The following BAZ1B variants were observed in gnomAD, a reference collection of about 807,000 sequenced individuals.
The protein encoded by BAZ1B is tyrosine-protein kinase BAZ1B.
Under a neutral mutation model 153.8 loss-of-function variants are expected in BAZ1B, and 22 were observed. The ratio of observed to expected loss-of-function variants is 0.14; its 90% CI spans 0.10 to 0.20. The LOEUF (loss-of-function observed/expected upper bound fraction) is 0.20, where lower values mean the gene tolerates loss of function less well. BAZ1B is among the 10% of genes least tolerant of loss of function. The probability of loss-of-function intolerance (pLI) is 1.00; values close to 1 mark genes in which losing one functional copy is unlikely to be tolerated. For synonymous variants in BAZ1B, 676 were observed against 633.4 expected (o/e 1.07, Z -1.01); for missense variants, 1,325 against 1,799.3 (o/e 0.74, Z 4.77).
chr7:73,517,182 C>CA (rs201015912), intron 1 of BAZ1B, among the ~76,000 whole-genome samples: 6,028 of 147,528 alleles, frequency 0.041, 153 homozygotes, highest in Non-Finnish European at 0.062. Context: ...TAACCCAGCT[C>CA]AAAAACAAAA....
At chr7:73,454,937 C>G (rs1554569326) in intron 13 of BAZ1B, among the ~76,000 whole-genome samples, 1 of 152,060 alleles carries the variant, frequency 6.6e-6, no homozygotes, top group African/African-American at 2.4e-5. Context: ...CTCACTGCAA[C>G]CTCTACCTCC....
chr7:73,482,265 C>T (rs147926505), intron 6 of BAZ1B, among the ~76,000 whole-genome samples: 1,910 of 152,288 alleles, frequency 0.013, 43 homozygotes, highest in African/African-American at 0.044. Context: ...TTATTTAAGA[C>T]TCCAATCTCT....
At chr7:73,473,222 G>A (rs1349868309) in intron 7 of BAZ1B, among the ~76,000 whole-genome samples, 3 of 152,186 alleles carry the variant, frequency 2.0e-5, no homozygotes, top group African/African-American at 7.2e-5. Flanking sequence ...TACAGGCTGT[G>A]AGCCACCGAG....
chr7:73,469,476 G>C, intron 9 of BAZ1B, 41 bp downstream of exon 9: 1 of 1,608,908 alleles, frequency 6.2e-7, no homozygotes, highest in Non-Finnish European at 8.5e-7. Context: ...GAGCCCACTT[G>C]AGCAGGGTGA....
chr7:73,501,887 A>ATTTTT (rs200718272), intron 3 of BAZ1B, among the ~76,000 whole-genome samples: 2 of 133,120 alleles, frequency 1.5e-5, no homozygotes, highest in Admixed American at 7.6e-5. Context: ...CTTATCAAGA[A>ATTTTT]TTTTTTTTTT....
intron 7 of BAZ1B, among the ~76,000 whole-genome samples, chr7:73,475,403 A>T (rs1163129960): frequency 6.6e-6 from 1 of 152,248 alleles, no homozygotes; most frequent in African/African-American, 2.4e-5. Flanking sequence ...AAAGGGAATG[A>T]AGTACTAACA....
chr7:73,454,644 C>A (rs1348791882), intron 13 of BAZ1B, among the ~76,000 whole-genome samples: 3 of 152,188 alleles, frequency 2.0e-5, no homozygotes, highest in Non-Finnish European at 4.4e-5. Flanking sequence ...TCAATCTGAA[C>A]AGGCCTATGC....
chr7:73,469,474 T>C (rs1554571681), intron 9 of BAZ1B, 43 bp downstream of exon 9: 2 of 1,608,812 alleles, frequency 1.2e-6, no homozygotes, highest in Non-Finnish European at 1.7e-6. Flanking sequence ...TTGAGCCCAC[T>C]TGAGCAGGGT....
At chr7:73,514,439 A>AG (rs1790709479) in intron 1 of BAZ1B, among the ~76,000 whole-genome samples, 4 of 151,264 alleles carry the variant, frequency 2.6e-5, no homozygotes, top group Middle Eastern at 3.4e-3. Context: ...AGGCTGATGC[A>AG]GGAGAACTGC....
Position 73,521,857 on chromosome 7 carries a change from G to A in BAZ1B, c.77C>T (p.Pro26Leu), listed in dbSNP as rs1309513487. The A allele has an allele frequency of 6.0e-6, 9 of 1,510,276 alleles. No individual in the cohort carries two copies. The highest frequency in any genetic ancestry group is 8.0e-6 in the Non-Finnish European group (9 of 1,125,432). 93.6% of individuals were successfully genotyped at this position (1,510,276 alleles called of 1,614,324 possible). The stretch of plus-strand genomic sequence containing the variant: ...GGTGCGGAAGGCCTCCTGAGTGTGC[G>A]GGATGGTGAAGAGCGGCTCCTCTCC... ...LPGEEPLFTIPHTQEAFRTRE... is the reference protein window; with the variant it reads ...LPGEEPLFTILHTQEAFRTRE... Residue 26 changes from proline to leucine, a missense_variant, in exon 1 of 20, where the codon CCG becomes CTG. Physicochemically the swap from Pro to Leu is moderately conservative, Grantham distance 98 (BLOSUM62 -3). Coordinates refer to ENST00000339594, the MANE Select transcript of BAZ1B (RefSeq NM_032408.4).
At chr7:73,468,386 A>C (rs1266452554) in intron 9 of BAZ1B, among the ~76,000 whole-genome samples, 1 of 152,092 alleles carries the variant, frequency 6.6e-6, no homozygotes, top group Non-Finnish European at 1.5e-5. Flanking sequence ...AGTACAAAAA[A>C]CTATCTTCCT....
In BAZ1B at chr7:73,475,910, C is replaced by A. The variant is rs1423537752; in HGVS notation, c.2593+958G>T. 3.9e-5 allele frequency among the ~76,000 whole-genome samples: 5 copies of A among 128,228 alleles called. No individual in the cohort carries two copies. The Admixed American group carries it at 4.7e-4, about 12-fold the overall frequency. The allele number at this position is 128,228 out of a possible 152,430, so 84.1% of individuals were successfully genotyped here. ...TTGCACTCTAGCCTGGGTGACAGAGCGAGACTCCATCTCAAAAAAAAAAAA... is the reference window on the plus strand; with the variant it reads ...TTGCACTCTAGCCTGGGTGACAGAGAGAGACTCCATCTCAAAAAAAAAAAA... On this transcript the variant is annotated intron_variant, in intron 7 of 19. Transcript: ENST00000339594.
At chr7:73,462,882 T>C (rs782211324) in intron 12 of BAZ1B, 40 bp downstream of exon 12, 10 of 1,598,782 alleles carry the variant, frequency 6.3e-6, no homozygotes, top group Non-Finnish European at 8.6e-6. Flanking sequence ...CAGATTGAGT[T>C]GCCATGAGTA....
At position 73,468,299 on chromosome 7, in the gene BAZ1B, A is replaced by T. The variant is rs1402091216; in HGVS notation, c.2866+1218T>A. 2.6e-5 allele frequency among the ~76,000 whole-genome samples: 4 copies of T among 152,118 alleles called. No individual in the cohort carries two copies. In the East Asian group the frequency reaches 7.7e-4, roughly 29 times the overall value. On this transcript the variant is annotated intron_variant, in intron 9 of 19. Transcript: ENST00000339594. ...CATGTATCTGGCAGGATTTAGAGACATACTTGGTTTTCACTGCTACCACCT... is the reference window on the plus strand; with the variant it reads ...CATGTATCTGGCAGGATTTAGAGACTTACTTGGTTTTCACTGCTACCACCT...
intron 4 of BAZ1B, among the ~76,000 whole-genome samples, chr7:73,497,085 C>CAAAAAAAAAAAAAA (rs1789939143): frequency 1.0e-4 from 11 of 106,362 alleles, no homozygotes; most frequent in Non-Finnish European, 1.6e-4. Context: ...AAAAAAAAAC[C>CAAAAAAAAAAAAAA]TACAAAAATT....
At chr7:73,445,760 T>G (rs1787810812) in intron 16 of BAZ1B, among the ~76,000 whole-genome samples, 1 of 151,818 alleles carries the variant, frequency 6.6e-6, no homozygotes, top group Admixed American at 6.6e-5. Context: ...CTCAGGAGGC[T>G]GAGGTAAGGA....
At chr7:73,458,229 T>G (rs1008370448) in intron 13 of BAZ1B, among the ~76,000 whole-genome samples, 1 of 152,144 alleles carries the variant, frequency 6.6e-6, no homozygotes, top group African/African-American at 2.4e-5. Context: ...TTAAGAGTAG[T>G]TGGTATCAGC....
chr7:73,464,712 A>C lies in BAZ1B; in HGVS notation c.3071+727T>G, dbSNP rs188260961. Among the ~76,000 whole-genome samples, 4 of 152,216 alleles carry C rather than the reference A, an allele frequency of 2.6e-5. No homozygotes were observed. The East Asian group carries it at 7.7e-4, about 29-fold the overall frequency. On this transcript the variant is annotated intron_variant, in intron 11 of 19. Coordinates refer to ENST00000339594, the MANE Select transcript of BAZ1B (RefSeq NM_032408.4). ...TAATATTCCACTATTTGAATATACT[A>C]AATTTTGGGGGTTTTTTGTTTCATT...
chr7:73,516,357 G>C (rs1224000241), intron 1 of BAZ1B, among the ~76,000 whole-genome samples: 2 of 151,814 alleles, frequency 1.3e-5, no homozygotes, highest in East Asian at 3.9e-4. Context: ...TTTAATATGA[G>C]AGTACTACAA....
Sources: gnomAD v4.1 joint callset for allele counts (sites outside exome capture counted in the v4.1 genomes callset) on GRCh38, gnomAD v4.1.1 for gene constraint, MANE v1.5 for transcripts, NCBI Gene and HGNC (gene_info 2026-07-23, HGNC 2026-07-21) for gene names.